The following RBM41 variants were observed in gnomAD, a reference collection of about 807,000 sequenced individuals.
RBM41 encodes the protein RNA binding motif protein 41.
Under a neutral mutation model 30.8 loss-of-function variants are expected in RBM41, and 14 were observed. The ratio of observed to expected loss-of-function variants is 0.45; its 90% confidence interval spans 0.30 to 0.71. The LOEUF is 0.71. RBM41 is among the 30% of genes least tolerant of loss of function. The pLI is 0.08. For synonymous variants in RBM41, 120 were observed against 110.1 expected (o/e 1.09, Z -0.56); for missense variants, 276 against 326.3 (o/e 0.85, Z 1.19).
chrX:107,100,168 A>G (rs1923329037), intron 5 of RBM41, among the ~76,000 whole-genome samples: 1 of 112,284 alleles, frequency 8.9e-6, no homozygotes, highest in Admixed American at 9.4e-5. Context: ...CTTTAAAAAA[A>G]GTAACATAAA....
intron 5 of RBM41, among the ~76,000 whole-genome samples, chrX:107,089,113 CAATA>C (rs780075567): frequency 2.0e-3 from 222 of 111,766 alleles, no homozygotes; most frequent in Non-Finnish European, 3.5e-3. Flanking sequence ...AACATATAAG[CAATA>C]TAGCATTATA....
chrX:107,081,220 A>ATT (rs35998161), intron 6 of RBM41, among the ~76,000 whole-genome samples: 39 of 106,921 alleles, frequency 3.6e-4, no homozygotes, highest in Non-Finnish European at 6.0e-4. Context: ...ATCTAGATTC[A>ATT]TTTTTTTTTT....
chrX:107,102,434 G>T (rs1179656315), intron 5 of RBM41, among the ~76,000 whole-genome samples: 1 of 111,646 alleles, frequency 9.0e-6, no homozygotes, highest in Non-Finnish European at 1.9e-5. Flanking sequence ...CAACAGTATA[G>T]ATGGACAAAC....
In RBM41 at chrX:107,067,829, T is replaced by C. The variant is rs1008420811; in HGVS notation, c.1148-136A>G. ...TATAGTCATTTGATTTGATCATTTTTTCTATAATCTCCCATTTGCATTATT... is the reference window on the plus strand; with the variant it reads ...TATAGTCATTTGATTTGATCATTTTCTCTATAATCTCCCATTTGCATTATT... On this transcript the variant is annotated intron_variant, in intron 7 of 7. Coordinates refer to ENST00000685964, the MANE Select transcript of RBM41 (RefSeq NM_001324242.2). 6 of 718,056 alleles carry C rather than the reference T, an allele frequency of 8.4e-6. No individual in the cohort carries two copies. In the African/African-American group the frequency reaches 1.3e-4, roughly 16 times the overall value. 59.2% of individuals were successfully genotyped at this position (718,056 alleles called of 1,213,427 possible).
chrX:107,091,717 T>C (rs1922555009), intron 5 of RBM41, among the ~76,000 whole-genome samples: 4 of 112,257 alleles, frequency 3.6e-5, no homozygotes, highest in South Asian at 3.7e-4. Context: ...TATACACATA[T>C]ACATAATTCA....
intron 6 of RBM41, among the ~76,000 whole-genome samples, chrX:107,075,918 G>C (rs1423097902): frequency 8.9e-6 from 1 of 111,892 alleles, no homozygotes; most frequent in Non-Finnish European, 1.9e-5. Flanking sequence ...ATCTCAAAGA[G>C]ATATATGCAT....
chrX:107,116,607 G>A, intron 2 of RBM41, 43 bp downstream of exon 2: 3 of 1,195,210 alleles, frequency 2.5e-6, no homozygotes, highest in South Asian at 1.8e-5. Flanking sequence ...TCACCTGGAG[G>A]TAAGAGTCTA....
chrX:107,057,087 T>C (rs1312097925), downstream of RBM41, among the ~76,000 whole-genome samples: 1 of 110,488 alleles, frequency 9.1e-6, no homozygotes, highest in African/African-American at 3.3e-5. Flanking sequence ...CAGGCAGGTC[T>C]CAAACTCCTG....
At chrX:107,053,586 A>G in the RBM41 span, among the ~76,000 whole-genome samples, 1 of 112,172 alleles carries the variant, frequency 8.9e-6, no homozygotes, top group African/African-American at 3.2e-5. Flanking sequence ...AACAGTTAGT[A>G]GGGTTTTGGG....
chrX:107,097,108 A>G (rs1436270365), intron 5 of RBM41, among the ~76,000 whole-genome samples: 2 of 112,300 alleles, frequency 1.8e-5, no homozygotes, highest in Non-Finnish European at 3.8e-5. Context: ...GAACTCATAC[A>G]TTGCTGATGA....
In RBM41 at chrX:107,085,245, CTTTT is replaced by C. The variant is rs1173983015; in HGVS notation, c.999+3187_999+3190del. 9.6e-3 allele frequency among the ~76,000 whole-genome samples: 895 copies of C among 92,889 alleles called. 13 individuals are homozygous for C. The highest frequency in any genetic ancestry group is 0.038 in the African/African-American group (846 of 22,117). The allele number at this position is 92,889 out of a possible 115,157, so 80.7% of individuals were successfully genotyped here. A position where few individuals can be genotyped will look rare whatever the true frequency, so the allele number is the denominator to read the frequency against. ...GTATATTAGAATTCTTATTGTTTTT[CTTTT>C]TTTTCTTTTTCTTTTTTTTTTTTTT... On this transcript the variant is annotated intron_variant, in intron 6 of 7. Transcript: ENST00000685964.
chrX:107,069,437 T>C (rs1277176772), intron 6 of RBM41, 35 bp from the exon 7 acceptor site: 2 of 1,156,072 alleles, frequency 1.7e-6, no homozygotes, highest in African/African-American at 1.8e-5. Flanking sequence ...AAATATCATA[T>C]AAAGGAGGTA....
At chrX:107,070,526 C>T (rs1936017442) in intron 6 of RBM41, 1 of 237,143 alleles carries the variant, frequency 4.2e-6, no homozygotes, top group Non-Finnish European at 7.8e-6. Context: ...TCAACAAGTG[C>T]CATTTGTGTG....
intron 5 of RBM41, among the ~76,000 whole-genome samples, chrX:107,105,267 A>G (rs1438720920): frequency 9.1e-6 from 1 of 109,327 alleles, no homozygotes; most frequent in East Asian, 2.9e-4. Context: ...TCCCATTCAC[A>G]ATTGCTTCAA....
At chrX:107,106,831 G>A (rs753448644) in intron 5 of RBM41, among the ~76,000 whole-genome samples, 1 of 99,493 alleles carries the variant, frequency 1.0e-5, no homozygotes, top group Non-Finnish European at 2.0e-5. Flanking sequence ...AGAATACATG[G>A]ACACAGGAAG....
chrX:107,077,648 T>C (rs1291706606), intron 6 of RBM41, among the ~76,000 whole-genome samples: 1 of 104,092 alleles, frequency 9.6e-6, no homozygotes, highest in Non-Finnish European at 2.0e-5. Context: ...AACAAAGCTG[T>C]GAAAAAGAAA....
At chrX:107,097,007 TAAAAC>T (rs1923041254) in intron 5 of RBM41, among the ~76,000 whole-genome samples, 1 of 111,892 alleles carries the variant, frequency 8.9e-6, no homozygotes. Flanking sequence ...AAATTCAAAA[TAAAAC>T]TGCAATGAGC....
At chrX:107,092,706 G>T (rs1734645774) in intron 5 of RBM41, among the ~76,000 whole-genome samples, 1 of 112,370 alleles carries the variant, frequency 8.9e-6, no homozygotes, top group South Asian at 3.7e-4. Flanking sequence ...AAATTAAAAA[G>T]AATGCCAACA....
Position 107,088,657 on chromosome X carries a change from G to A in RBM41, c.778C>T (p.Leu260Phe). The change falls in exon 6 of 8, where the codon CTC becomes TTC. Residue 260 changes from leucine (L) to phenylalanine (F), a missense_variant. Transcript: ENST00000685964. Reference sequence around the variant, plus strand: ...GCTGCCTGTTTTCCCTTGTCCTGGAGTAATGATGGGCTCTCAGCTGTGCCA... The same window carrying A: ...GCTGCCTGTTTTCCCTTGTCCTGGAATAATGATGGGCTCTCAGCTGTGCCA... ...DSGTAESPSL[L>F]QDKGKQAAQG... The A allele has an allele frequency of 1.7e-6, 2 of 1,211,579 alleles. No homozygotes were observed. The highest frequency in any genetic ancestry group is 2.2e-6 in the Non-Finnish European group (2 of 895,396).
Sources: gnomAD v4.1 joint callset for allele counts (sites outside exome capture counted in the v4.1 genomes callset) on GRCh38, gnomAD v4.1.1 for gene constraint, MANE v1.5 for transcripts, NCBI Gene and HGNC (gene_info 2026-07-23, HGNC 2026-07-21) for gene names.